PTPRD: variants seen among roughly 807,000 people sequenced by gnomAD.
PTPRD encodes protein tyrosine phosphatase receptor type D.
A neutral mutation model predicts 214.5 loss-of-function variants in PTPRD; 34 were observed. The ratio of observed to expected loss-of-function variants is 0.16; its 90% CI spans 0.12 to 0.21. The LOEUF (loss-of-function observed/expected upper bound fraction) is 0.21. Among genes scored for constraint, PTPRD ranks in the 10% least tolerant of loss-of-function variants. PTPRD has a pLI of 1.00. For synonymous variants in PTPRD, 1,128 were observed against 845.7 expected (o/e 1.33, Z -5.79); for missense variants, 2,545 against 2,398.7 (o/e 1.06, Z -1.27).
chr9:8,594,556 G>A (rs1456992316), intron 14 of PTPRD, among the ~76,000 whole-genome samples: 2 of 152,116 alleles, frequency 1.3e-5, no homozygotes, highest in Non-Finnish European at 2.9e-5. Context: ...GTCGAGGGAG[G>A]GACCTGGTGG....
chr9:8,998,311 CT>C (rs2099404749), intron 11 of PTPRD, among the ~76,000 whole-genome samples: 1 of 151,960 alleles, frequency 6.6e-6, no homozygotes, highest in Non-Finnish European at 1.5e-5. Flanking sequence ...CAGGTGGTGA[CT>C]TTTAGTGGAA....
chr9:10,260,962 G>C (rs2093651132), intron 3 of PTPRD, among the ~76,000 whole-genome samples: 1 of 147,442 alleles, frequency 6.8e-6, no homozygotes, highest in East Asian at 2.0e-4. Flanking sequence ...ATGTGTGTGT[G>C]TATATATATA....
intron 11 of PTPRD, among the ~76,000 whole-genome samples, chr9:8,778,610 G>A (rs1485590329): frequency 6.6e-6 from 1 of 152,084 alleles, no homozygotes; most frequent in Non-Finnish European, 1.5e-5. Context: ...GCTTTGTTGA[G>A]GAAAGCACCT....
At chr9:9,653,749 C>T (rs2096437670) in intron 7 of PTPRD, among the ~76,000 whole-genome samples, 2 of 152,160 alleles carry the variant, frequency 1.3e-5, no homozygotes, top group Admixed American at 1.3e-4. Flanking sequence ...CATTTTACTC[C>T]TTGATACACT....
intron 5 of PTPRD, among the ~76,000 whole-genome samples, chr9:9,918,012 A>C (rs1194564567): frequency 6.6e-6 from 1 of 152,016 alleles, no homozygotes; most frequent in Non-Finnish European, 1.5e-5. Context: ...GAGAAAAGAC[A>C]ACTCTCACCT....
At chr9:9,774,865 T>C (rs1044012780) in intron 5 of PTPRD, among the ~76,000 whole-genome samples, 1 of 152,232 alleles carries the variant, frequency 6.6e-6, no homozygotes, top group Admixed American at 6.5e-5. Context: ...TGCTGTTTTA[T>C]GCATGATAGT....
At chr9:9,037,164 G>A (rs896432263) in intron 10 of PTPRD, among the ~76,000 whole-genome samples, 2 of 152,114 alleles carry the variant, frequency 1.3e-5, no homozygotes, top group Admixed American at 6.5e-5. Context: ...CTAACAATGT[G>A]TATCTCAGGC....
rs1746798 is a variant in PTPRD at position 9,795,286 on chromosome 9, G to A, written c.-367-28435C>T. On this transcript the variant is annotated intron_variant, in intron 5 of 45. Coordinates refer to ENST00000381196, the MANE Select transcript of PTPRD (RefSeq NM_002839.4). ...AAATAGTGGGGTATATTGAGTTTTA[G>A]AATAGTGGGACCTAACTATCCCATT... Among the ~76,000 whole-genome samples the A allele has an allele frequency of 1.1e-3, 168 of 152,242 alleles. 2 individuals are homozygous for A. In the East Asian group the frequency reaches 0.02, roughly 19 times the overall value.
chr9:10,182,895 T>C (rs1023320482), intron 3 of PTPRD, among the ~76,000 whole-genome samples: 3 of 152,106 alleles, frequency 2.0e-5, no homozygotes, highest in African/African-American at 4.8e-5. Context: ...AAGACAGCAG[T>C]TAAATGACAC....
intron 2 of PTPRD, among the ~76,000 whole-genome samples, chr9:10,370,576 T>C (rs190969871): frequency 2.0e-5 from 3 of 152,190 alleles, no homozygotes; most frequent in African/African-American, 7.2e-5. Flanking sequence ...AAATCAAAAA[T>C]TAAATGAAAA....
At chr9:9,467,837 T>C (rs1171868804) in intron 8 of PTPRD, among the ~76,000 whole-genome samples, 1 of 152,146 alleles carries the variant, frequency 6.6e-6, no homozygotes, top group Non-Finnish European at 1.5e-5. Context: ...TCAAACCACT[T>C]AATTTTCTGT....
intron 2 of PTPRD, among the ~76,000 whole-genome samples, chr9:10,593,905 T>C (rs535023196): frequency 3.3e-5 from 5 of 152,158 alleles, no homozygotes; most frequent in Non-Finnish European, 7.4e-5. Flanking sequence ...TGGTGCTTTC[T>C]CTTTTCATAC....
At chr9:9,027,626 C>T (rs2099591583) in intron 10 of PTPRD, among the ~76,000 whole-genome samples, 2 of 151,790 alleles carry the variant, frequency 1.3e-5, no homozygotes, top group Non-Finnish European at 2.9e-5. Flanking sequence ...ACCTATCTAT[C>T]AAGAGGTCTT....
intron 12 of PTPRD, among the ~76,000 whole-genome samples, chr9:8,660,127 T>G (rs996327117): frequency 6.6e-6 from 1 of 152,228 alleles, no homozygotes. Context: ...AAAGCAAACA[T>G]ACCCACCTCA....
intron 33 of PTPRD, among the ~76,000 whole-genome samples, chr9:8,452,078 C>A (rs1590886661): frequency 6.6e-6 from 1 of 152,126 alleles, no homozygotes; most frequent in South Asian, 2.1e-4. Flanking sequence ...AGACATGGGA[C>A]TAAAATTACA....
intron 9 of PTPRD, among the ~76,000 whole-genome samples, chr9:9,251,712 T>G (rs1279341558): frequency 6.6e-6 from 1 of 152,118 alleles, no homozygotes; most frequent in South Asian, 2.1e-4. Flanking sequence ...CCTGGATAAA[T>G]AGCATAATGG....
At chr9:9,137,326 A>G (rs919150403) in intron 10 of PTPRD, among the ~76,000 whole-genome samples, 2 of 152,124 alleles carry the variant, frequency 1.3e-5, no homozygotes, top group Non-Finnish European at 2.9e-5. Context: ...TTTTGCCTTA[A>G]TGTATCATTC....
intron 26 of PTPRD, among the ~76,000 whole-genome samples, chr9:8,496,171 AACACAC>A (rs566859758): frequency 0.02 from 2,697 of 135,034 alleles, 41 homozygotes; most frequent in East Asian, 0.097. Flanking sequence ...CCAACTCTCC[AACACAC>A]ACACACACAC....
chr9:8,748,998 CAT>C (rs33987556), intron 11 of PTPRD, among the ~76,000 whole-genome samples: 8,739 of 152,070 alleles, frequency 0.057, 637 homozygotes, highest in African/African-American at 0.17. Context: ...TTTCAACACA[CAT>C]GTGAAAATAT....
Sources: allele counts gnomAD v4.1 joint callset (sites outside exome capture counted in the v4.1 genomes callset), GRCh38; gene constraint gnomAD v4.1.1; transcripts MANE v1.5; gene names NCBI Gene and HGNC (gene_info 2026-07-23, HGNC 2026-07-21).